The following ROBO2 variants were observed in gnomAD, a reference collection of about 807,000 sequenced individuals.
ROBO2 encodes roundabout homolog 2.
Under a neutral mutation model 160.8 loss-of-function variants are expected in ROBO2, and 53 were observed. The observed-to-expected ratio is 0.33, with a 90% CI of 0.26 to 0.41. The LOEUF is 0.41. Among genes scored for constraint, ROBO2 ranks in the 10% least tolerant of loss-of-function variants. ROBO2 has a pLI of 1.00. For missense variants in ROBO2, 1,577 were observed against 1,722.4 expected (o/e 0.92, Z 1.49); for synonymous variants, 664 against 611.7 (o/e 1.09, Z -1.26).
Position 77,141,293 on chromosome 3 carries a change from CT to C in ROBO2, c.388+42955del, listed in dbSNP as rs368165234. Among the ~76,000 whole-genome samples, 53 of 151,410 alleles carry C rather than the reference CT, an allele frequency of 3.5e-4. 1 individual carries two copies. Among genetic ancestry groups the C allele is most frequent in the African/African-American group, 1.1e-3 (47 of 41,194 alleles). On this transcript the variant is annotated intron_variant, in intron 2 of 25. Transcript: ENST00000461745. ...GGATGTACATATAAAGCCCCCCCCC[CT>C]TGTAATAGGCTTATAACAGATGTAC...
chr3:77,356,756 G>T (rs1008294565), intron 2 of ROBO2, among the ~76,000 whole-genome samples: 4 of 152,152 alleles, frequency 2.6e-5, no homozygotes, highest in Non-Finnish European at 5.9e-5. Flanking sequence ...TGGCAAAGTT[G>T]GGCTTCGTTT....
intron 2 of ROBO2, among the ~76,000 whole-genome samples, chr3:76,921,387 G>A (rs2076651635): frequency 6.6e-6 from 1 of 151,976 alleles, no homozygotes. Context: ...AGAGGCAGAC[G>A]GATCGCTTGA....
At position 76,252,554 on chromosome 3, in the gene ROBO2, T is replaced by G. The variant is rs187627188; in HGVS notation, c.109+314952T>G. Among the ~76,000 whole-genome samples, 42 of 151,918 alleles carry G rather than the reference T, an allele frequency of 2.8e-4. No homozygotes were observed. The East Asian group carries it at 7.4e-3, about 27-fold the overall frequency. The stretch of plus-strand genomic sequence containing the variant: ...TCCAATATGGTATGTGTGTGCATAT[T>G]TACATATGCACACACACATATATAT... On this transcript the variant is annotated intron_variant, in intron 2 of 26. Coordinates refer to the ROBO2 transcript ENST00000487694.
intron 2 of ROBO2, among the ~76,000 whole-genome samples, chr3:76,511,367 G>C (rs2081078735): frequency 1.3e-5 from 2 of 152,190 alleles, no homozygotes; most frequent in South Asian, 2.1e-4. Flanking sequence ...TTTTGTACCA[G>C]TGACTTGTGC....
intron 2 of ROBO2, among the ~76,000 whole-genome samples, chr3:75,999,901 C>T (rs560787244): frequency 6.6e-6 from 1 of 152,134 alleles, no homozygotes; most frequent in Non-Finnish European, 1.5e-5. Flanking sequence ...AATGATACTG[C>T]AAATTATTTT....
At chr3:76,589,386 G>A (rs990195365) in intron 2 of ROBO2, among the ~76,000 whole-genome samples, 4 of 151,988 alleles carry the variant, frequency 2.6e-5, no homozygotes, top group Admixed American at 2.0e-4. Flanking sequence ...TGCAAGCTCC[G>A]CCTCCCGAGG....
intron 19 of ROBO2, among the ~76,000 whole-genome samples, chr3:77,601,972 A>G (rs1045086088): frequency 1.3e-5 from 2 of 152,198 alleles, no homozygotes; most frequent in African/African-American, 4.8e-5. Context: ...GTTAAAGAAA[A>G]TAGGGGGAAG....
chr3:76,942,540 G>A (rs1490093517), intron 2 of ROBO2, among the ~76,000 whole-genome samples: 1 of 152,182 alleles, frequency 6.6e-6, no homozygotes, highest in African/African-American at 2.4e-5. Context: ...GATGACAGCT[G>A]CTCGTGGAAA....
At chr3:77,472,286 T>A (rs75590164) in intron 2 of ROBO2, among the ~76,000 whole-genome samples, 9 of 152,250 alleles carry the variant, frequency 5.9e-5, no homozygotes, top group African/African-American at 2.2e-4. Context: ...GAGTGACCAT[T>A]GGAGAACAGA....
chr3:76,484,074 T>C (rs921476985), intron 2 of ROBO2, among the ~76,000 whole-genome samples: 2 of 152,218 alleles, frequency 1.3e-5, no homozygotes, highest in Non-Finnish European at 2.9e-5. Flanking sequence ...CTTTTGGGTA[T>C]ATACCCAGTA....
At chr3:76,554,178 T>C (rs76225068) in intron 2 of ROBO2, among the ~76,000 whole-genome samples, 50,513 of 151,738 alleles carry the variant, frequency 0.33, 8,747 homozygotes, top group East Asian at 0.48. Context: ...AAGAATGAGC[T>C]ACATCTATGG....
At chr3:76,569,671 A>C (rs1432727075) in intron 2 of ROBO2, among the ~76,000 whole-genome samples, 1 of 152,298 alleles carries the variant, frequency 6.6e-6, no homozygotes. Flanking sequence ...GAGTCATTAT[A>C]TCTAGGTAAC....
chr3:77,490,097 T>C (rs1035686306), intron 4 of ROBO2, among the ~76,000 whole-genome samples: 3 of 149,870 alleles, frequency 2.0e-5, no homozygotes, highest in African/African-American at 4.9e-5. Context: ...TTTTGTATTT[T>C]ACTTTTTTTT....
rs146294293 is a variant in ROBO2 at position 77,507,383 on chromosome 3, G to A, written c.806+14001G>A. ...TCTTAGCATTTTTCCAACAAAGACA[G>A]CAAGGTCGCCAAATAGATGGCACAT... On this transcript the variant is annotated intron_variant, in intron 5 of 25. Transcript: ENST00000461745. Among the ~76,000 whole-genome samples, 986 of 152,264 alleles carry A rather than the reference G, an allele frequency of 6.5e-3. 13 individuals are homozygous for A. The highest frequency in any genetic ancestry group is 0.023 in the African/African-American group (953 of 41,558).
chr3:76,859,686 C>A (rs1166964), intron 2 of ROBO2, among the ~76,000 whole-genome samples: 15,668 of 152,172 alleles, frequency 0.1, 881 homozygotes, highest in South Asian at 0.12. Flanking sequence ...TGAACTGAAG[C>A]TTTCTCAGCC....
chr3:76,346,585 C>T (rs913587238), intron 2 of ROBO2, among the ~76,000 whole-genome samples: 2 of 152,054 alleles, frequency 1.3e-5, no homozygotes, highest in Non-Finnish European at 2.9e-5. Context: ...TGGGCAATGT[C>T]TATTAAAAAT....
chr3:76,790,728 A>G (rs1417804787), intron 2 of ROBO2, among the ~76,000 whole-genome samples: 1 of 151,794 alleles, frequency 6.6e-6, no homozygotes, highest in Non-Finnish European at 1.5e-5. Context: ...AGTCACTCAA[A>G]TAATGGAAAG....
At chr3:76,906,334 A>T (rs2075599960) in intron 2 of ROBO2, among the ~76,000 whole-genome samples, 1 of 151,944 alleles carries the variant, frequency 6.6e-6, no homozygotes, top group African/African-American at 2.4e-5. Flanking sequence ...ATATATGTAG[A>T]TGTTGGACAT....
At chr3:77,465,421 C>T (rs1582178634) in intron 2 of ROBO2, among the ~76,000 whole-genome samples, 1 of 152,106 alleles carries the variant, frequency 6.6e-6, no homozygotes, top group African/African-American at 2.4e-5. Context: ...TATCTCCAAG[C>T]ATTCTGAGAA....
Sources: gnomAD v4.1 joint callset for allele counts (sites outside exome capture counted in the v4.1 genomes callset) on GRCh38, gnomAD v4.1.1 for gene constraint, MANE v1.5 for transcripts, NCBI Gene and HGNC (gene_info 2026-07-23, HGNC 2026-07-21) for gene names.